Variants in BLVRA observed in about 807,000 individuals in gnomAD.
BLVRA encodes biliverdin reductase A, also known as BVR A.
BLVRA carries 22 observed loss-of-function variants against 32.8 expected under a neutral mutation model. The ratio of observed to expected loss-of-function variants is 0.67; its 90% CI spans 0.48 to 0.96. The LOEUF is 0.96. Among genes scored for constraint, BLVRA ranks in the 40% least tolerant of loss-of-function variants. The pLI, the probability that BLVRA is intolerant of heterozygous loss-of-function variation, is 0.00. For missense variants in BLVRA, 323 were observed against 358.1 expected (o/e 0.90, Z 0.79); for synonymous variants, 119 against 141.3 (o/e 0.84, Z 1.12).
chr7:43,800,090 G>A (rs2095797046), intron 5 of BLVRA, among the ~76,000 whole-genome samples: 1 of 152,100 alleles, frequency 6.6e-6, no homozygotes, highest in South Asian at 2.1e-4. Flanking sequence ...CAAGAAGGTG[G>A]GCTTACAGGT....
Position 43,800,559 on chromosome 7 carries a change from G to T in BLVRA, c.447G>T (p.Ser149=), listed in dbSNP as rs763059228. The change falls in exon 6 of 8, where the codon TCG becomes TCT. Residue 149 remains serine, a synonymous_variant. Transcript: ENST00000265523. ...EVVGKDLLKG[S]LLFTAGPLEE... The stretch of plus-strand genomic sequence containing the variant: ...TGGGGAAAGACCTGCTGAAAGGGTC[G>T]CTCCTCTTCACAGGTCAGTGCTACG... The T allele has an allele frequency of 1.2e-6, 2 of 1,613,702 alleles. No individual in the cohort carries two copies. Among genetic ancestry groups the T allele is most frequent in the Non-Finnish European group, 1.7e-6 (2 of 1,179,780 alleles).
chr7:43,765,536 G>A (rs2095746904), intron 1 of BLVRA, among the ~76,000 whole-genome samples: 1 of 152,178 alleles, frequency 6.6e-6, no homozygotes, highest in Non-Finnish European at 1.5e-5. Context: ...ACAGCCGTGA[G>A]CCTCCACACC....
In BLVRA at chr7:43,784,598, C is replaced by CTTTT. The variant is rs5883874; in HGVS notation, c.13-3286_13-3283dup. ...AAGATACCAGTGTCTTCACTCATATCTTTTTTTTTTTTTTTTTTTTTTTGA... is the reference window on the plus strand; with the variant it reads ...AAGATACCAGTGTCTTCACTCATATCTTTTTTTTTTTTTTTTTTTTTTTTTTTGA... On this transcript the variant is annotated intron_variant, in intron 2 of 7. Coordinates refer to ENST00000265523, the MANE Select transcript of BLVRA (RefSeq NM_000712.4). 1.2e-4 allele frequency among the ~76,000 whole-genome samples: 10 copies of CTTTT among 85,240 alleles called. No homozygotes were observed. The South Asian group carries it at 1.4e-3, about 12-fold the overall frequency. 55.9% of individuals were successfully genotyped at this position (85,240 alleles called of 152,430 possible).
At chr7:43,778,714 G>C (rs917050508) in intron 2 of BLVRA, among the ~76,000 whole-genome samples, 4 of 152,272 alleles carry the variant, frequency 2.6e-5, no homozygotes, top group African/African-American at 4.8e-5. Flanking sequence ...AGTCTGCAGA[G>C]GTTACTGCTG....
At chr7:43,767,224 A>G in intron 1 of BLVRA, 1 of 677,886 alleles carries the variant, frequency 1.5e-6, no homozygotes, top group East Asian at 2.6e-5. Flanking sequence ...ACTTTCCTCT[A>G]AGATCTCATT....
chr7:43,805,180 C>T (rs2095802791), intron 7 of BLVRA, among the ~76,000 whole-genome samples: 1 of 151,992 alleles, frequency 6.6e-6, no homozygotes, highest in Non-Finnish European at 1.5e-5. Flanking sequence ...ACTAGGTCAG[C>T]TCATGGTTCT....
chr7:43,763,855 CT>C (rs1051929918), intron 1 of BLVRA, among the ~76,000 whole-genome samples: 1 of 152,188 alleles, frequency 6.6e-6, no homozygotes, highest in African/African-American at 2.4e-5. Flanking sequence ...AAACCTCAGA[CT>C]TTGAAAAGGC....
chr7:43,770,131 C>A (rs1431860728), intron 1 of BLVRA, among the ~76,000 whole-genome samples: 3 of 152,148 alleles, frequency 2.0e-5, no homozygotes, highest in Admixed American at 6.5e-5. Flanking sequence ...TTTTCAGAGG[C>A]CTTCTGCCCT....
chr7:43,760,313 A>G (rs2095740908), intron 1 of BLVRA, among the ~76,000 whole-genome samples: 1 of 152,168 alleles, frequency 6.6e-6, no homozygotes, highest in Non-Finnish European at 1.5e-5. Context: ...TTTTTGATCT[A>G]CACTGCTTAT....
At position 43,806,048 on chromosome 7, in the gene BLVRA, C is replaced by T. The variant is rs147195813; in HGVS notation, c.633-929C>T. 5.7e-3 allele frequency among the ~76,000 whole-genome samples: 865 copies of T among 152,378 alleles called. 10 individuals are homozygous for T. The highest frequency in any genetic ancestry group is 0.02 in the African/African-American group (836 of 41,588). On this transcript the variant is annotated intron_variant, in intron 7 of 7. Transcript: ENST00000265523. ...ACATGAGAGGCCGGGCACAATGGCT[C>T]ACGCCTGTAATCCCAGCACTTTGGG...
chr7:43,770,889 C>T (rs2095753966), intron 1 of BLVRA, among the ~76,000 whole-genome samples: 1 of 152,200 alleles, frequency 6.6e-6, no homozygotes, highest in South Asian at 2.1e-4. Flanking sequence ...CGGATCTGGG[C>T]TTGGAAATGC....
At chr7:43,793,243 C>T (rs1213619329) in intron 5 of BLVRA, among the ~76,000 whole-genome samples, 1 of 151,796 alleles carries the variant, frequency 6.6e-6, no homozygotes, top group Non-Finnish European at 1.5e-5. Context: ...TTAGTATATG[C>T]TAGGAACTTG....
chr7:43,778,095 C>T (rs1220998890), intron 2 of BLVRA, among the ~76,000 whole-genome samples: 1 of 152,158 alleles, frequency 6.6e-6, no homozygotes, highest in Non-Finnish European at 1.5e-5. Flanking sequence ...TGAATTTCCT[C>T]CTGTAGCTCA....
chr7:43,761,337 A>G (rs1162845855), intron 1 of BLVRA, among the ~76,000 whole-genome samples: 1 of 152,226 alleles, frequency 6.6e-6, no homozygotes, highest in African/African-American at 2.4e-5. Context: ...TCCAGGGGAA[A>G]AAAAGAATGA....
intron 5 of BLVRA, among the ~76,000 whole-genome samples, chr7:43,799,012 G>A (rs567260235): frequency 6.6e-6 from 1 of 152,294 alleles, no homozygotes; most frequent in South Asian, 2.1e-4. Flanking sequence ...AACTACCTGT[G>A]AGGAGAAAAG....
At chr7:43,777,946 G>A (rs1288217604) in intron 2 of BLVRA, among the ~76,000 whole-genome samples, 2 of 152,132 alleles carry the variant, frequency 1.3e-5, no homozygotes, top group African/African-American at 2.4e-5. Flanking sequence ...GGCTCCTGAG[G>A]CTTCTGCATT....
intron 1 of BLVRA, among the ~76,000 whole-genome samples, chr7:43,762,831 C>T (rs7784710): frequency 6.6e-6 from 1 of 151,892 alleles, no homozygotes; most frequent in Non-Finnish European, 1.5e-5. Flanking sequence ...AGGATGGTCT[C>T]GATCTCTTGA....
At chr7:43,781,717 A>T (rs1420430273) in intron 2 of BLVRA, among the ~76,000 whole-genome samples, 2 of 152,252 alleles carry the variant, frequency 1.3e-5, no homozygotes, top group Non-Finnish European at 2.9e-5. Context: ...TTAAAGATAT[A>T]TAGTTAATCT....
chr7:43,778,965 A>C (rs2095765265), intron 2 of BLVRA, among the ~76,000 whole-genome samples: 1 of 152,268 alleles, frequency 6.6e-6, no homozygotes, highest in African/African-American at 2.4e-5. Flanking sequence ...AGCCATGTGC[A>C]GAATATAATC....
Sources: gnomAD v4.1 joint callset for allele counts (sites outside exome capture counted in the v4.1 genomes callset) on GRCh38, gnomAD v4.1.1 for gene constraint, MANE v1.5 for transcripts, NCBI Gene and HGNC (gene_info 2026-07-23, HGNC 2026-07-21) for gene names.